LHFPL3: variants seen among roughly 807,000 people sequenced by gnomAD.
The protein encoded by LHFPL3 is LHFPL tetraspan subfamily member 3.
Under a neutral mutation model 19.3 loss-of-function variants are expected in LHFPL3, and 5 were observed. The ratio of observed to expected loss-of-function variants is 0.26; its 90% CI spans 0.14 to 0.54. The LOEUF is 0.54. Ranked by LOEUF, LHFPL3 falls within the 20% of genes least tolerant of loss-of-function variation. LHFPL3 has a pLI of 0.94. For synonymous variants in LHFPL3, 133 were observed against 126.2 expected, an observed-to-expected ratio of 1.05 and a Z score of -0.36; for missense variants, 249 against 307.4, an observed-to-expected ratio of 0.81 and a Z score of 1.42.
chr7:104,898,082 T>C (rs1792404105), intron 2 of LHFPL3, among the ~76,000 whole-genome samples: 1 of 137,676 alleles, frequency 7.3e-6, no homozygotes, highest in Admixed American at 8.0e-5. Flanking sequence ...CCATCTCGGC[T>C]CACTGCAACC....
At chr7:104,614,009 A>G (rs1370267180) in intron 1 of LHFPL3, among the ~76,000 whole-genome samples, 1 of 152,158 alleles carries the variant, frequency 6.6e-6, no homozygotes, top group East Asian at 1.9e-4. Flanking sequence ...TCTAATGATC[A>G]TATTTCAAAG....
chr7:104,757,544 A>G (rs1794308223), intron 2 of LHFPL3: 2 of 152,202 alleles, frequency 1.3e-5, no homozygotes, highest in Admixed American at 1.3e-4. Flanking sequence ...AAAAAAAGAC[A>G]TGAACAGACA....
At chr7:104,720,328 G>A (rs1173696850) in intron 1 of LHFPL3, among the ~76,000 whole-genome samples, 4 of 152,138 alleles carry the variant, frequency 2.6e-5, no homozygotes, top group Non-Finnish European at 5.9e-5. Context: ...TGGGAAAACT[G>A]GCTAGCCATA....
At chr7:104,805,976 C>A (rs775699919) in intron 2 of LHFPL3, among the ~76,000 whole-genome samples, 2 of 152,170 alleles carry the variant, frequency 1.3e-5, no homozygotes, top group Non-Finnish European at 2.9e-5. Context: ...AACCATGATA[C>A]GTTTCATGAT....
Position 104,906,230 on chromosome 7 carries a change from G to T in LHFPL3, c.*15G>T. The T allele has an allele frequency of 6.2e-7, 1 of 1,604,880 alleles. No homozygotes were observed. Among genetic ancestry groups the T allele is most frequent in the Non-Finnish European group, 8.5e-7 (1 of 1,175,482 alleles). ...CTCTAGAATGAGCACAAAACAAATCGAATAACAGCTAAACAAATCGAATAA... is the reference window on the plus strand; with the variant it reads ...CTCTAGAATGAGCACAAAACAAATCTAATAACAGCTAAACAAATCGAATAA... On this transcript the variant is annotated 3_prime_UTR_variant, in exon 3 of 3. Coordinates refer to ENST00000424859, the MANE Select transcript of LHFPL3 (RefSeq NM_199000.3).
At chr7:104,734,377 T>G (rs986353005) in intron 1 of LHFPL3, among the ~76,000 whole-genome samples, 24 of 152,242 alleles carry the variant, frequency 1.6e-4, no homozygotes, top group Non-Finnish European at 3.1e-4. Flanking sequence ...AGATTTGGTC[T>G]TTTCACATAG....
chr7:104,383,746 C>A (rs1352191010), intron 1 of LHFPL3, among the ~76,000 whole-genome samples: 1 of 152,068 alleles, frequency 6.6e-6, no homozygotes, highest in Non-Finnish European at 1.5e-5. Flanking sequence ...TTTTTAAAAG[C>A]TGCAAATTAA....
intron 2 of LHFPL3, among the ~76,000 whole-genome samples, chr7:104,882,070 C>T (rs1165477779): frequency 2.0e-5 from 3 of 152,140 alleles, no homozygotes; most frequent in Admixed American, 2.0e-4. Flanking sequence ...TTGCAGTGGT[C>T]TGGAACCAAA....
At chr7:104,461,910 T>C (rs1177822482) in intron 1 of LHFPL3, among the ~76,000 whole-genome samples, 3 of 152,238 alleles carry the variant, frequency 2.0e-5, no homozygotes, top group Non-Finnish European at 4.4e-5. Flanking sequence ...CATTTGTTTA[T>C]GTCATCTCTG....
intron 1 of LHFPL3, among the ~76,000 whole-genome samples, chr7:104,389,740 T>A (rs985037840): frequency 3.9e-5 from 6 of 152,120 alleles, no homozygotes; most frequent in Admixed American, 2.0e-4. Flanking sequence ...TCAACAGGGA[T>A]GTCAAGGCCA....
At chr7:104,897,825 A>C (rs979926491) in intron 2 of LHFPL3, among the ~76,000 whole-genome samples, 1 of 152,172 alleles carries the variant, frequency 6.6e-6, no homozygotes, top group African/African-American at 2.4e-5. Flanking sequence ...AAACACAGAT[A>C]TATCAATATA....
At chr7:104,895,103 C>A (rs1792328197) in intron 2 of LHFPL3, 1 of 152,172 alleles carries the variant, frequency 6.6e-6, no homozygotes, top group Non-Finnish European at 1.5e-5. Context: ...TAATGAAGTC[C>A]AGCCATAGGA....
chr7:104,661,884 C>G (rs1291671950), intron 1 of LHFPL3, among the ~76,000 whole-genome samples: 1 of 152,196 alleles, frequency 6.6e-6, no homozygotes, highest in African/African-American at 2.4e-5. Flanking sequence ...CATGACTACT[C>G]TTACACTCTG....
At chr7:104,744,793 G>A (rs927008041) in intron 2 of LHFPL3, among the ~76,000 whole-genome samples, 16 of 152,118 alleles carry the variant, frequency 1.1e-4, no homozygotes, top group African/African-American at 3.9e-4. Context: ...TTGGCTTCCG[G>A]TCACTGACCT....
At chr7:104,402,118 CA>C (rs1263876950) in intron 1 of LHFPL3, among the ~76,000 whole-genome samples, 1 of 149,258 alleles carries the variant, frequency 6.7e-6, no homozygotes, top group Non-Finnish European at 1.5e-5. Context: ...ACAACAAAAA[CA>C]AACAAAAAAG....
At chr7:104,504,656 A>G (rs780288181) in intron 1 of LHFPL3, among the ~76,000 whole-genome samples, 6 of 152,296 alleles carry the variant, frequency 3.9e-5, no homozygotes, top group Non-Finnish European at 2.9e-5. Flanking sequence ...ACACTACATT[A>G]TCTTCTCCTT....
chr7:104,362,000 G>A lies in LHFPL3; in HGVS notation c.445+32776G>A, dbSNP rs115711529. Among the ~76,000 whole-genome samples the A allele has an allele frequency of 2.6e-3, 389 of 152,334 alleles. 1 individual carries two copies. The highest frequency in any genetic ancestry group is 8.7e-3 in the South Asian group (42 of 4,824). On this transcript the variant is annotated intron_variant, in intron 1 of 2. Coordinates refer to ENST00000424859, the MANE Select transcript of LHFPL3 (RefSeq NM_199000.3). ...ACCTGACCAACACTGAGGTTCTCCA[G>A]GAACTAGGGGATGTGAATGTGTGAT... is the stretch of plus-strand genomic sequence containing the variant.
At chr7:104,769,300 A>G (rs1794509574) in intron 2 of LHFPL3, among the ~76,000 whole-genome samples, 1 of 152,206 alleles carries the variant, frequency 6.6e-6, no homozygotes, top group Non-Finnish European at 1.5e-5. Context: ...ATTAATGTCC[A>G]TTTCTTTTTT....
chr7:104,888,135 GACC>G (rs1475124032), intron 2 of LHFPL3, among the ~76,000 whole-genome samples: 1 of 152,160 alleles, frequency 6.6e-6, no homozygotes, highest in Non-Finnish European at 1.5e-5. Context: ...TCACTCAGGG[GACC>G]ACAATATTAG....
Sources: gnomAD v4.1 joint callset for allele counts (sites outside exome capture counted in the v4.1 genomes callset) on GRCh38, gnomAD v4.1.1 for gene constraint, MANE v1.5 for transcripts, NCBI Gene and HGNC (gene_info 2026-07-23, HGNC 2026-07-21) for gene names.